SDK1: variants seen among roughly 807,000 people sequenced by gnomAD.
The protein encoded by SDK1 is protein sidekick-1.
In SDK1, 157 loss-of-function variants were observed where a neutral mutation model predicts 245.5. The ratio of observed to expected loss-of-function variants is 0.64; its 90% CI spans 0.56 to 0.73. SDK1 has a LOEUF of 0.73. SDK1 is among the 30% of genes least tolerant of loss of function. The pLI is 0.00. For missense variants in SDK1, 3,583 were observed against 3,002.3 expected, an observed-to-expected ratio of 1.19 and a Z score of -4.52; for synonymous variants, 1,647 against 1,278.5, an observed-to-expected ratio of 1.29 and a Z score of -6.15.
chr7:4,091,635 C>G (rs1328594625), intron 22 of SDK1, among the ~76,000 whole-genome samples: 4 of 152,108 alleles, frequency 2.6e-5, no homozygotes, highest in Non-Finnish European at 5.9e-5. Context: ...AGCCACTGCA[C>G]CCTGCCAACA....
chr7:4,255,936 T>C (rs932107777), intron 44 of SDK1, among the ~76,000 whole-genome samples: 2 of 143,362 alleles, frequency 1.4e-5, no homozygotes, highest in Non-Finnish European at 1.5e-5. Context: ...TTTTTTTTTT[T>C]TGAGAGGGAG....
chr7:4,182,877 C>A (rs1332658592), intron 35 of SDK1, among the ~76,000 whole-genome samples: 1 of 152,220 alleles, frequency 6.6e-6, no homozygotes, highest in Non-Finnish European at 1.5e-5. Flanking sequence ...AACCGCCCAG[C>A]AGGCTCCTCC....
At chr7:4,076,718 C>T (rs1432488384) in intron 20 of SDK1, among the ~76,000 whole-genome samples, 1 of 152,134 alleles carries the variant, frequency 6.6e-6, no homozygotes, top group Admixed American at 6.5e-5. Flanking sequence ...CCAGAGCATC[C>T]CAGAGGCCCT....
chr7:3,448,042 C>A (rs1780397578), intron 1 of SDK1, among the ~76,000 whole-genome samples: 1 of 152,026 alleles, frequency 6.6e-6, no homozygotes, highest in Non-Finnish European at 1.5e-5. Context: ...CTTTGATTTC[C>A]AGAGGGTAGG....
chr7:3,913,379 C>G (rs979877924), intron 5 of SDK1, among the ~76,000 whole-genome samples: 1 of 151,568 alleles, frequency 6.6e-6, no homozygotes, highest in South Asian at 2.1e-4. Context: ...CTGCAACCTC[C>G]GCCTCCCAGG....
chr7:3,856,324 G>A (rs10235612), intron 5 of SDK1, among the ~76,000 whole-genome samples: 2,641 of 151,758 alleles, frequency 0.017, 85 homozygotes, highest in African/African-American at 0.06. Context: ...TATGAAAAGA[G>A]GGTTTAAAAA....
chr7:3,566,951 C>G lies in SDK1; in HGVS notation c.299-52129C>G, dbSNP rs76577159. Among the ~76,000 whole-genome samples the G allele has an allele frequency of 9.4e-3, 1,427 of 152,226 alleles. 18 individuals are homozygous for G. Among genetic ancestry groups the G allele is most frequent in the African/African-American group, 0.031 (1,297 of 41,528 alleles). ...GGGGATGTGTGAACATAGGAATTGTCATGCACTGGTGGTGGGAGTGTAGAC... is the reference window on the plus strand; with the variant it reads ...GGGGATGTGTGAACATAGGAATTGTGATGCACTGGTGGTGGGAGTGTAGAC... On this transcript the variant is annotated intron_variant, in intron 1 of 44. Coordinates refer to ENST00000404826, the MANE Select transcript of SDK1 (RefSeq NM_152744.4).
chr7:3,887,656 CT>C (rs1286118865), intron 5 of SDK1, among the ~76,000 whole-genome samples: 1 of 152,142 alleles, frequency 6.6e-6, no homozygotes, highest in African/African-American at 2.4e-5. Context: ...TTCCCCTGGC[CT>C]GATGATTCCT....
In SDK1 at chr7:3,478,610, A is replaced by G. The variant is rs141781839; in HGVS notation, c.299-140470A>G. On this transcript the variant is annotated intron_variant, in intron 1 of 44. Transcript: ENST00000404826. Reference sequence around the variant, plus strand: ...GTGTGGGCCTTTTTCTTTGTTCTTGATCAATGTTGCTGGAGGTTTATTGAT... The same window carrying G: ...GTGTGGGCCTTTTTCTTTGTTCTTGGTCAATGTTGCTGGAGGTTTATTGAT... Among the ~76,000 whole-genome samples the G allele has an allele frequency of 2.5e-4, 38 of 151,568 alleles. No individual in the cohort carries two copies. In the East Asian group the frequency reaches 7.3e-3, roughly 29 times the overall value.
chr7:4,069,550 A>G (rs918745949), intron 20 of SDK1, among the ~76,000 whole-genome samples: 1 of 152,190 alleles, frequency 6.6e-6, no homozygotes, highest in Non-Finnish European at 1.5e-5. Context: ...CAGCGTTCTC[A>G]GCTGCCTGCG....
At chr7:3,443,980 A>G (rs2128589451) in intron 1 of SDK1, among the ~76,000 whole-genome samples, 1 of 152,352 alleles carries the variant, frequency 6.6e-6, no homozygotes, top group African/African-American at 2.4e-5. Flanking sequence ...TTTCTATCAT[A>G]TACATAGCAC....
intron 2 of SDK1, among the ~76,000 whole-genome samples, chr7:3,633,677 A>G (rs1205784844): frequency 6.6e-6 from 1 of 152,172 alleles, no homozygotes; most frequent in Non-Finnish European, 1.5e-5. Flanking sequence ...GTGAGCACCT[A>G]GTAACTTTAG....
chr7:3,649,428 G>A (rs1684383235), intron 4 of SDK1, among the ~76,000 whole-genome samples: 2 of 151,954 alleles, frequency 1.3e-5, no homozygotes, highest in African/African-American at 4.8e-5. Flanking sequence ...ATGCATTCCT[G>A]CAGCTCTGCC....
At chr7:3,578,805 G>A (rs796087101) in intron 1 of SDK1, among the ~76,000 whole-genome samples, 1 of 151,694 alleles carries the variant, frequency 6.6e-6, no homozygotes, top group Non-Finnish European at 1.5e-5. Flanking sequence ...CCCTAAAATC[G>A]CTGTTATTCT....
At chr7:4,006,306 C>G (rs1785483078) in intron 14 of SDK1, among the ~76,000 whole-genome samples, 1 of 152,182 alleles carries the variant, frequency 6.6e-6, no homozygotes, top group African/African-American at 2.4e-5. Context: ...AGAACGGAGC[C>G]TGGCTGGGGA....
At chr7:3,619,372 G>C in intron 2 of SDK1, 133 bp downstream of exon 2, 1 of 686,782 alleles carries the variant, frequency 1.5e-6, no homozygotes, top group Non-Finnish European at 2.4e-6. Context: ...TAAAGGAATA[G>C]ATTTGAATAT....
At chr7:4,089,559 C>T (rs1422139115) in intron 22 of SDK1, among the ~76,000 whole-genome samples, 3 of 152,176 alleles carry the variant, frequency 2.0e-5, no homozygotes, top group Non-Finnish European at 4.4e-5. Flanking sequence ...TGGGCTTGCC[C>T]CTTCCCCAGG....
At chr7:3,668,513 C>T (rs1237721331) in intron 4 of SDK1, among the ~76,000 whole-genome samples, 1 of 152,200 alleles carries the variant, frequency 6.6e-6, no homozygotes, top group Non-Finnish European at 1.5e-5. Context: ...CAGTGGCTCA[C>T]GCTTGTGATC....
At position 3,974,493 on chromosome 7, in the gene SDK1, G is replaced by A. The variant is rs778252197; in HGVS notation, c.1942G>A (p.Glu648Lys). Residue 648 changes from glutamate (E) to lysine (K), a missense_variant, in exon 13 of 45, where the codon GAG becomes AAG. Physicochemically the swap from Glu to Lys is moderately conservative, Grantham distance 56 (BLOSUM62 1). Coordinates refer to ENST00000404826, the MANE Select transcript of SDK1 (RefSeq NM_152744.4). ...WSGDIGDYSC[E>K]IVSEGGNDSR... is the part of the protein sequence containing the mutation. ...AGGCGACATCGGTGACTACAGCTGC[G>A]AGATTGTTTCTGAAGGAGGGAATGA... is the stretch of plus-strand genomic sequence containing the variant. 3 of 1,614,178 alleles carry A rather than the reference G, an allele frequency of 1.9e-6. No individual in the cohort carries two copies. The highest frequency in any genetic ancestry group is 2.5e-6 in the Non-Finnish European group (3 of 1,180,036).
Sources: gnomAD v4.1 joint callset for allele counts (sites outside exome capture counted in the v4.1 genomes callset) on GRCh38, gnomAD v4.1.1 for gene constraint, MANE v1.5 for transcripts, NCBI Gene and HGNC (gene_info 2026-07-23, HGNC 2026-07-21) for gene names.